KCNIP1: variants seen among roughly 807,000 people sequenced by gnomAD.
KCNIP1 encodes potassium voltage-gated channel interacting protein 1, also known as A-type potassium channel modulatory protein KCNIP1.
Under a neutral mutation model 33.0 loss-of-function variants are expected in KCNIP1, and 18 were observed. The observed-to-expected ratio is 0.55, with a 90% CI of 0.38 to 0.81. The LOEUF is 0.81. Among genes scored for constraint, KCNIP1 ranks in the 30% least tolerant of loss-of-function variants. The pLI is 0.00. For synonymous variants in KCNIP1, 93 were observed against 98.3 expected (o/e 0.95, Z 0.32); for missense variants, 238 against 271.6 (o/e 0.88, Z 0.87).
At chr5:170,420,025 T>C (rs314165) in intron 1 of KCNIP1, among the ~76,000 whole-genome samples, 59,664 of 152,104 alleles carry the variant, frequency 0.39, 12,072 homozygotes, top group African/African-American at 0.44. Context: ...TTCTCTTCTC[T>C]GGCCAACGGA....
At position 170,732,238 on chromosome 5, in the gene KCNIP1, C is replaced by G. The variant is rs578178671; in HGVS notation, c.436-562C>G. Among the ~76,000 whole-genome samples, 13 of 152,266 alleles carry G rather than the reference C, an allele frequency of 8.5e-5. No individual in the cohort carries two copies. The South Asian group carries it at 2.7e-3, about 32-fold the overall frequency. On this transcript the variant is annotated intron_variant, in intron 5 of 7. Transcript: ENST00000328939. ...GCCAGAATGGTCAGAATAATGGTTC[C>G]CAATGTACCTTGATAAACACGGAAA...
At chr5:170,690,058 T>C (rs73319385) in intron 1 of KCNIP1, among the ~76,000 whole-genome samples, 3,366 of 152,294 alleles carry the variant, frequency 0.022, 140 homozygotes, top group African/African-American at 0.077. Flanking sequence ...ACAGTGGTTA[T>C]GTCTGCTCTA....
rs998945387 is a variant in KCNIP1 at position 170,543,748 on chromosome 5, C to T, written c.61+39115C>T. Among the ~76,000 whole-genome samples the T allele has an allele frequency of 2.6e-5, 4 of 152,332 alleles. No homozygotes were observed. The South Asian group carries it at 8.3e-4, about 32-fold the overall frequency. On this transcript the variant is annotated intron_variant, in intron 1 of 7. Transcript: ENST00000328939. ...CTTCTTCGGTTGCTAACTAGTTTAA[C>T]TCTGCCAGTTTCTCATTTGCCTGTA...
At chr5:170,681,354 C>A (rs1347420945) in intron 1 of KCNIP1, 1 of 374,888 alleles carries the variant, frequency 2.7e-6, no homozygotes, top group Non-Finnish European at 4.7e-6. Context: ...CCCAGTGCTG[C>A]GCTGTCCGTC....
At chr5:170,703,576 T>C (rs7734240) in intron 1 of KCNIP1, among the ~76,000 whole-genome samples, 28,509 of 134,536 alleles carry the variant, frequency 0.21, 6,884 homozygotes, top group African/African-American at 0.37. Context: ...AGTTCAAGGC[T>C]AGTCTGGGCA....
intron 1 of KCNIP1, among the ~76,000 whole-genome samples, chr5:170,372,972 C>T (rs781104258): frequency 6.6e-6 from 1 of 152,164 alleles, no homozygotes; most frequent in Non-Finnish European, 1.5e-5. Context: ...GACTCTGCAA[C>T]TGGGGGAGAT....
chr5:170,631,670 C>A (rs1760055955), intron 1 of KCNIP1, among the ~76,000 whole-genome samples: 1 of 152,206 alleles, frequency 6.6e-6, no homozygotes, highest in African/African-American at 2.4e-5. Context: ...CCAGGAAAGT[C>A]TCTTTGTGAT....
intron 1 of KCNIP1, among the ~76,000 whole-genome samples, chr5:170,438,933 C>G (rs1755926559): frequency 6.6e-6 from 1 of 152,114 alleles, no homozygotes; most frequent in South Asian, 2.1e-4. Flanking sequence ...CATACGCCAC[C>G]CAGACCCCTC....
chr5:170,421,828 C>T (rs563894560), intron 1 of KCNIP1: 5 of 152,232 alleles, frequency 3.3e-5, no homozygotes, highest in African/African-American at 9.6e-5. Context: ...TGAACCAAGA[C>T]GTATTTTTCC....
chr5:170,421,744 T>C (rs1321326034), intron 1 of KCNIP1, among the ~76,000 whole-genome samples: 1 of 152,212 alleles, frequency 6.6e-6, no homozygotes, highest in East Asian at 1.9e-4. Context: ...GATAGAAACA[T>C]TGAGACCATA....
intron 1 of KCNIP1, among the ~76,000 whole-genome samples, chr5:170,397,552 T>G (rs899003808): frequency 6.6e-6 from 1 of 152,226 alleles, no homozygotes. Context: ...AGGTAGGGAC[T>G]CTAAACATTT....
chr5:170,688,020 T>A (rs202220749), intron 1 of KCNIP1, among the ~76,000 whole-genome samples: 5 of 151,926 alleles, frequency 3.3e-5, no homozygotes, highest in African/African-American at 1.2e-4. Context: ...ATGACTGTAT[T>A]ATAATAGGTA....
At position 170,656,258 on chromosome 5, in the gene KCNIP1, C is replaced by A. The variant is rs187006016; in HGVS notation, c.62-62500C>A. ...TTCCCAGAATGAAGCTCAGTGCACA[C>A]ACTAAGTGTGCAAGAAACACACAAG... is the stretch of plus-strand genomic sequence containing the variant. On this transcript the variant is annotated intron_variant, in intron 1 of 7. Coordinates refer to ENST00000328939, the MANE Select transcript of KCNIP1 (RefSeq NM_014592.4). 1.9e-3 allele frequency among the ~76,000 whole-genome samples: 285 copies of A among 152,366 alleles called. 2 individuals carry two copies. Among genetic ancestry groups the A allele is most frequent in the African/African-American group, 6.4e-3 (266 of 41,588 alleles).
chr5:170,596,729 G>T (rs1358268860), intron 1 of KCNIP1, among the ~76,000 whole-genome samples: 1 of 152,206 alleles, frequency 6.6e-6, no homozygotes, highest in Non-Finnish European at 1.5e-5. Context: ...TGCTTAATCA[G>T]TGGGGTTCTG....
At chr5:170,365,836 G>A (rs1763646089) in intron 1 of KCNIP1, among the ~76,000 whole-genome samples, 1 of 152,230 alleles carries the variant, frequency 6.6e-6, no homozygotes, top group Non-Finnish European at 1.5e-5. Context: ...AATACCACAG[G>A]TTTATTAAAG....
chr5:170,544,396 T>A (rs1030090214), intron 1 of KCNIP1, among the ~76,000 whole-genome samples: 1 of 152,212 alleles, frequency 6.6e-6, no homozygotes, highest in South Asian at 2.1e-4. Flanking sequence ...CCACTAAATG[T>A]CTAGATCTCA....
chr5:170,668,610 T>C (rs1761800236), intron 1 of KCNIP1, among the ~76,000 whole-genome samples: 1 of 152,224 alleles, frequency 6.6e-6, no homozygotes, highest in Non-Finnish European at 1.5e-5. Flanking sequence ...GACGGCATGC[T>C]TGGCTCAGGT....
chr5:170,722,769 G>A lies in KCNIP1; in HGVS notation c.384G>A (p.Arg128=). The change falls in exon 5 of 8, where the codon AGG becomes AGA. Residue 128 remains arginine (R), a synonymous_variant. Coordinates refer to ENST00000328939, the MANE Select transcript of KCNIP1 (RefSeq NM_014592.4). ...GAGGAACTGTCCACGAGAAACTAAG[G>A]TGGACATTTAATTTGTATGACATCA... The part of the protein sequence containing the change: ...LLRGTVHEKL[R]WTFNLYDINK... 1 of 1,614,036 alleles carries A rather than the reference G, an allele frequency of 6.2e-7. No homozygotes were observed. The highest frequency in any genetic ancestry group is 8.5e-7 in the Non-Finnish European group (1 of 1,179,936).
At chr5:170,371,596 T>C (rs1763846822) in intron 1 of KCNIP1, among the ~76,000 whole-genome samples, 1 of 152,164 alleles carries the variant, frequency 6.6e-6, no homozygotes, top group African/African-American at 2.4e-5. Flanking sequence ...TGTGCCTCCA[T>C]TGGCTCATTG....
Sources: gnomAD v4.1 joint callset for allele counts (sites outside exome capture counted in the v4.1 genomes callset) on GRCh38, gnomAD v4.1.1 for gene constraint, MANE v1.5 for transcripts, NCBI Gene and HGNC (gene_info 2026-07-23, HGNC 2026-07-21) for gene names.